Variants in PKHD1L1 observed in about 807,000 individuals in gnomAD.
PKHD1L1 encodes PKHD1 like 1.
A neutral mutation model predicts 462.9 loss-of-function variants in PKHD1L1; 434 were observed. That is an observed-to-expected ratio of 0.94 (90% CI 0.87 to 1.02). The LOEUF (loss-of-function observed/expected upper bound fraction) is 1.02. Ranked by LOEUF, PKHD1L1 falls within the 50% of genes least tolerant of loss-of-function variation. PKHD1L1 has a pLI of 0.00. For missense variants in PKHD1L1, 5,202 were observed against 5,096.1 expected (o/e 1.02, Z -0.63); for synonymous variants, 1,781 against 1,750.0 (o/e 1.02, Z -0.44).
rs1311055950 is a variant in PKHD1L1, at chr8:109,490,636, ATAAAC to A, written c.9985-333_9985-329del. On this transcript the variant is annotated intron_variant, in intron 60 of 77. Transcript: ENST00000378402. ...TAATTAAAAAAAAATCCCTGTCATC[ATAAAC>A]TATTCTGAAAAAATAAATTTTAGCA... Among the ~76,000 whole-genome samples, 4 of 151,954 alleles carry A rather than the reference ATAAAC, an allele frequency of 2.6e-5. No homozygotes were observed. The East Asian group carries it at 7.7e-4, about 29-fold the overall frequency.
rs1258847779 is a variant in PKHD1L1, at chr8:109,533,185, A to G, written c.*3095A>G. 6.6e-6 allele frequency among the ~76,000 whole-genome samples: 1 copy of G among 152,196 alleles called. No homozygotes were observed. The highest frequency in any genetic ancestry group is 2.4e-5 in the African/African-American group (1 of 41,446). On this transcript the variant is annotated 3_prime_UTR_variant, in exon 78 of 78. Coordinates refer to ENST00000378402, the MANE Select transcript of PKHD1L1 (RefSeq NM_177531.6). ...AGTTTTTAATCCAAATTCCTGTTCA[A>G]ATTCTTGGTTTCTACTTTACCACTT...
chr8:109,455,472 C>T (rs895361430), intron 45 of PKHD1L1, among the ~76,000 whole-genome samples: 5 of 152,250 alleles, frequency 3.3e-5, no homozygotes, highest in East Asian at 1.9e-4. Context: ...AGGCTCTTCT[C>T]GTTTCATTTT....
intron 70 of PKHD1L1, 134 bp downstream of exon 70, chr8:109,508,398 A>G (rs1052738026): frequency 2.2e-6 from 2 of 890,494 alleles, no homozygotes; most frequent in African/African-American, 1.7e-5. Flanking sequence ...ATTTGTAACA[A>G]TGAGCAATGC....
rs866484364 is a variant in PKHD1L1 at position 109,522,291 on chromosome 8, C to CT, written c.12138dup (p.Ile4047TyrfsTer3). The CT allele has an allele frequency of 6.2e-7, 1 of 1,607,834 alleles. No individual in the cohort carries two copies. The highest frequency in any genetic ancestry group is 1.3e-5 in the African/African-American group (1 of 74,560). ...CTTGGATTTAACATTTCGTCCATGT[C>CT]TATTACTAATCCCCTCCCCAGCCCA... On this transcript the variant is annotated frameshift_variant, in exon 74 of 78. Coordinates refer to ENST00000378402, the MANE Select transcript of PKHD1L1 (RefSeq NM_177531.6). LOFTEE classifies it high-confidence loss of function.
At chr8:109,368,944 G>T (rs142432501) in intron 2 of PKHD1L1, among the ~76,000 whole-genome samples, 1 of 152,102 alleles carries the variant, frequency 6.6e-6, no homozygotes, top group East Asian at 1.9e-4. Context: ...ACTTCCAGAG[G>T]TGGTGTTTTT....
At chr8:109,473,576 TA>T (rs1284889538) in intron 50 of PKHD1L1, among the ~76,000 whole-genome samples, 5 of 152,010 alleles carry the variant, frequency 3.3e-5, no homozygotes, top group African/African-American at 9.7e-5. Flanking sequence ...GAATTCCACT[TA>T]ATTGAGTTCT....
intron 2 of PKHD1L1, among the ~76,000 whole-genome samples, chr8:109,370,494 ATTT>A (rs1811446860): frequency 6.6e-6 from 1 of 150,740 alleles, no homozygotes; most frequent in African/African-American, 2.4e-5. Context: ...TATTTATTTT[ATTT>A]TTTATTTTTT....
intron 23 of PKHD1L1, among the ~76,000 whole-genome samples, chr8:109,423,984 G>T (rs773127726): frequency 1.3e-5 from 2 of 152,016 alleles, no homozygotes; most frequent in Non-Finnish European, 2.9e-5. Flanking sequence ...ATTGATTTTT[G>T]TGTCTTTATC....
intron 6 of PKHD1L1, among the ~76,000 whole-genome samples, chr8:109,386,829 G>T (rs1812466507): frequency 1.3e-5 from 2 of 152,012 alleles, no homozygotes; most frequent in African/African-American, 4.8e-5. Context: ...TTCAAAAAGA[G>T]ATTCCTTTTT....
At chr8:109,379,617 A>G (rs1482263863) in intron 2 of PKHD1L1, among the ~76,000 whole-genome samples, 1 of 152,182 alleles carries the variant, frequency 6.6e-6, no homozygotes, top group Admixed American at 6.5e-5. Flanking sequence ...ATGGAGCTGG[A>G]TATAAAGGGC....
rs191703430 is a variant in PKHD1L1, at chr8:109,489,694, T to C, written c.9881-258T>C. ...TTTGTGGTCCTCCAAAGGGCCACTG[T>C]ATACTAACAGATATATGGTATATAT... is the stretch of plus-strand genomic sequence containing the variant. On this transcript the variant is annotated intron_variant, in intron 59 of 77. Coordinates refer to ENST00000378402, the MANE Select transcript of PKHD1L1 (RefSeq NM_177531.6). Among the ~76,000 whole-genome samples the C allele has an allele frequency of 1.4e-3, 217 of 152,038 alleles. 1 individual carries two copies. The highest frequency in any genetic ancestry group is 2.2e-4 in the Non-Finnish European group (15 of 67,886).
chr8:109,377,949 G>T (rs1249833083), intron 2 of PKHD1L1, among the ~76,000 whole-genome samples: 2 of 152,054 alleles, frequency 1.3e-5, no homozygotes, highest in Admixed American at 6.6e-5. Flanking sequence ...TTTATAGAAA[G>T]ATTAAAGTAA....
intron 25 of PKHD1L1, 48 bp downstream of exon 25, chr8:109,427,204 T>G (rs1435109656): frequency 7.1e-7 from 1 of 1,408,254 alleles, no homozygotes. Flanking sequence ...TGCTGTTTGC[T>G]TATTTGGACC....
chr8:109,479,961 T>A lies in PKHD1L1; in HGVS notation c.9179-30T>A, dbSNP rs532732241. The A allele has an allele frequency of 1.8e-5, 28 of 1,522,798 alleles. No individual in the cohort carries two copies. In the Admixed American group the frequency reaches 7.1e-4, roughly 39 times the overall value. The allele number at this position is 1,522,798 out of a possible 1,614,324, so 94.3% of individuals were successfully genotyped here. A position where few individuals can be genotyped will look rare whatever the true frequency, so the allele number is the denominator to read the frequency against. On this transcript the variant is annotated intron_variant, in intron 54 of 77. Transcript: ENST00000378402. Reference sequence around the variant, plus strand: ...GCTATAAGTTGTAGTTTATGGATTATGTTATATTTCTTAAAGTATTGTTTT... The same window carrying A: ...GCTATAAGTTGTAGTTTATGGATTAAGTTATATTTCTTAAAGTATTGTTTT...
intron 12 of PKHD1L1, 59 bp downstream of exon 12, chr8:109,398,607 TA>T: frequency 4.5e-6 from 3 of 663,998 alleles, no homozygotes; most frequent in Non-Finnish European, 6.8e-6. Context: ...AATATATTAG[TA>T]AAAAATATTA....
chr8:109,522,124 C>T (rs1206360716), intron 73 of PKHD1L1, 62 bp from the exon 74 acceptor site: 5 of 1,437,576 alleles, frequency 3.5e-6, no homozygotes, highest in Admixed American at 4.6e-5. Flanking sequence ...GTGAAAAACT[C>T]TCATGTGTTC....
In PKHD1L1 at chr8:109,537,106, C is replaced by T. The variant is rs1300360024; in HGVS notation, c.*7016C>T. ...CTGCTCAAAGATGTCACTCTATGTG[C>T]GGCAAAGCTTTGTTTTACTTGATCA... On this transcript the variant is annotated 3_prime_UTR_variant, in exon 78 of 78. Transcript: ENST00000378402. Among the ~76,000 whole-genome samples, 1 of 152,170 alleles carries T rather than the reference C, an allele frequency of 6.6e-6. No homozygotes were observed. Among genetic ancestry groups the T allele is most frequent in the African/African-American group, 2.4e-5 (1 of 41,426 alleles).
chr8:109,402,464 A>G (rs1375399874), intron 14 of PKHD1L1, among the ~76,000 whole-genome samples: 2 of 152,110 alleles, frequency 1.3e-5, no homozygotes, highest in Admixed American at 6.6e-5. Context: ...CCCATTGCAC[A>G]TGGTCTCTCA....
intron 2 of PKHD1L1, among the ~76,000 whole-genome samples, chr8:109,369,870 T>C (rs1811409563): frequency 6.6e-6 from 1 of 152,196 alleles, no homozygotes; most frequent in Non-Finnish European, 1.5e-5. Context: ...GCAAAGTCAA[T>C]GCAAATGTCT....
Sources: gnomAD v4.1 joint callset for allele counts (sites outside exome capture counted in the v4.1 genomes callset) on GRCh38, gnomAD v4.1.1 for gene constraint, MANE v1.5 for transcripts, NCBI Gene and HGNC (gene_info 2026-07-23, HGNC 2026-07-21) for gene names.